UIMC1: variants seen among roughly 807,000 people sequenced by gnomAD.
UIMC1 encodes ubiquitin interaction motif containing 1.
A neutral mutation model predicts 84.9 loss-of-function variants in UIMC1; 42 were observed. That is an observed-to-expected ratio of 0.49 (90% confidence interval 0.39 to 0.64). UIMC1 has a LOEUF of 0.64. Among genes scored for constraint, UIMC1 ranks in the 30% least tolerant of loss-of-function variants. UIMC1 has a pLI of 0.00. For synonymous variants in UIMC1, 281 were observed against 293.0 expected (o/e 0.96, Z 0.42); for missense variants, 825 against 847.6 (o/e 0.97, Z 0.33).
intron 10 of UIMC1, among the ~76,000 whole-genome samples, chr5:176,915,793 C>CAAAAAAAAAA (rs58297107): frequency 5.2e-4 from 22 of 42,610 alleles, no homozygotes; most frequent in East Asian, 1.5e-3. Context: ...GGTCACAAAG[C>CAAAAAAAAAA]AAAAAAAAAA....
At chr5:177,020,195 C>G (rs1775758362) in intron 1 of UIMC1, among the ~76,000 whole-genome samples, 1 of 152,208 alleles carries the variant, frequency 6.6e-6, no homozygotes, top group South Asian at 2.1e-4. Flanking sequence ...GTCGTTTTTC[C>G]TGTTCCTCCA....
intron 1 of UIMC1, among the ~76,000 whole-genome samples, chr5:176,988,679 A>ATTTTT (rs377752493): frequency 7.4e-6 from 1 of 135,772 alleles, no homozygotes; most frequent in African/African-American, 2.7e-5. Flanking sequence ...TGTTAGGTGA[A>ATTTTT]TTTTTTTTTT....
intron 1 of UIMC1, among the ~76,000 whole-genome samples, chr5:176,986,359 C>CAAA (rs71583560): frequency 0.2 from 5,596 of 27,982 alleles, 1,583 homozygotes; most frequent in East Asian, 0.44. Context: ...GACTTCATCT[C>CAAA]AAAAAAAAAA....
chr5:176,915,204 C>A (rs1760808481), intron 10 of UIMC1, among the ~76,000 whole-genome samples: 1 of 150,984 alleles, frequency 6.6e-6, no homozygotes. Context: ...CACCATGCAA[C>A]TTTCTGAATT....
At chr5:176,921,312 C>A (rs1274161119) in intron 10 of UIMC1, among the ~76,000 whole-genome samples, 1 of 152,178 alleles carries the variant, frequency 6.6e-6, no homozygotes, top group Non-Finnish European at 1.5e-5. Context: ...GATTCCCCTC[C>A]TGCCATCATC....
chr5:176,906,148 T>A (rs1759338231), intron 13 of UIMC1, 101 bp from the exon 14 acceptor site: 7 of 1,115,550 alleles, frequency 6.3e-6, no homozygotes, highest in Non-Finnish European at 9.2e-6. Flanking sequence ...CTGCTTCTCA[T>A]CAGGCCTATC....
intron 1 of UIMC1, among the ~76,000 whole-genome samples, chr5:177,012,483 A>G (rs577227270): frequency 8.5e-5 from 13 of 152,268 alleles, no homozygotes; most frequent in African/African-American, 3.1e-4. Flanking sequence ...ACTTGAGGCC[A>G]GGGGTTCGTG....
upstream of UIMC1, among the ~76,000 whole-genome samples, chr5:177,007,361 AG>A (rs1203284053): frequency 4.0e-5 from 6 of 150,066 alleles, no homozygotes; most frequent in African/African-American, 1.5e-4. Context: ...AAAAAAAAAA[AG>A]GGAAAGAAAG....
Position 177,005,703 on chromosome 5 carries a change from C to T in UIMC1, c.-9+947G>A, listed in dbSNP as rs146166565. Reference sequence around the variant, plus strand: ...CACACTTTCATTCGACTACAAGGCACTGCCTCCCTTGACAGGAAAACAATA... The same window carrying T: ...CACACTTTCATTCGACTACAAGGCATTGCCTCCCTTGACAGGAAAACAATA... On this transcript the variant is annotated intron_variant, in intron 1 of 14. Coordinates refer to ENST00000511320, the MANE Select transcript of UIMC1 (RefSeq NM_001199298.2). Among the ~76,000 whole-genome samples, 125 of 152,030 alleles carry T rather than the reference C, an allele frequency of 8.2e-4. 3 individuals are homozygous for T. The East Asian group carries it at 0.023, about 29-fold the overall frequency.
intron 10 of UIMC1, among the ~76,000 whole-genome samples, chr5:176,931,827 A>G (rs1763121685): frequency 6.6e-6 from 1 of 152,154 alleles, no homozygotes; most frequent in Non-Finnish European, 1.5e-5. Flanking sequence ...TCTACTAAAA[A>G]TACAGGCGTG....
intron 1 of UIMC1, among the ~76,000 whole-genome samples, chr5:177,012,621 A>G (rs1250511805): frequency 6.6e-6 from 1 of 151,738 alleles, no homozygotes; most frequent in East Asian, 2.0e-4. Context: ...TGAACCCAGG[A>G]GGTGGAGGTT....
intron 2 of UIMC1, among the ~76,000 whole-genome samples, chr5:176,981,346 GTGGTAACCAGGA>G (rs1389831304): frequency 6.6e-6 from 1 of 151,962 alleles, no homozygotes; most frequent in Non-Finnish European, 1.5e-5. Context: ...GGATTTCACT[GTGGTAACCAGGA>G]TGGTCTCGAT....
intron 3 of UIMC1, 151 bp downstream of exon 3, chr5:176,975,245 C>A: frequency 1.4e-6 from 1 of 708,436 alleles, no homozygotes; most frequent in South Asian, 2.4e-5. Flanking sequence ...TGTTCCAATC[C>A]TTACAACAAT....
At chr5:176,907,368 G>A (rs1036429581) in intron 12 of UIMC1, 191 bp from the exon 13 acceptor site, 10 of 553,610 alleles carry the variant, frequency 1.8e-5, no homozygotes, top group Admixed American at 9.2e-5. Context: ...AGAATACATC[G>A]CTATGCCCAG....
At chr5:176,968,319 C>A (rs947885417) in intron 6 of UIMC1, among the ~76,000 whole-genome samples, 2 of 151,832 alleles carry the variant, frequency 1.3e-5, no homozygotes, top group South Asian at 4.2e-4. Context: ...TTGCAGTGAG[C>A]CGAAGATTGC....
intron 10 of UIMC1, among the ~76,000 whole-genome samples, chr5:176,914,659 G>A (rs1760737590): frequency 6.6e-6 from 1 of 152,178 alleles, no homozygotes; most frequent in African/African-American, 2.4e-5. Context: ...GAGGATGACA[G>A]GAATACTTGA....
chr5:176,943,322 G>C lies in UIMC1; in HGVS notation c.1597+13C>G. On this transcript the variant is annotated intron_variant, in intron 10 of 14. Transcript: ENST00000511320. ...AAAAAAGTAAGAGTTTGGCTGTCCT[G>C]CTGGGTCTTTACCTGTATCTTCCTC... is the stretch of plus-strand genomic sequence containing the variant. 6.2e-7 allele frequency: 1 copy of C among 1,612,110 alleles called. No individual in the cohort carries two copies. Among genetic ancestry groups the C allele is most frequent in the Non-Finnish European group, 8.5e-7 (1 of 1,179,178 alleles).
In UIMC1 at chr5:177,003,090, C is replaced by T. The variant is rs570205677; in HGVS notation, c.-9+3560G>A. On this transcript the variant is annotated intron_variant, in intron 1 of 14. Transcript: ENST00000511320. ...TATTAAATGCTATATATGCATTTAA[C>T]GCACAGGATAAAATTAAAGGTAAAA... Among the ~76,000 whole-genome samples, 16 of 152,006 alleles carry T rather than the reference C, an allele frequency of 1.1e-4. No homozygotes were observed. The South Asian group carries it at 2.5e-3, about 24-fold the overall frequency.
rs553118800 is a variant in UIMC1 at position 176,919,191 on chromosome 5, A to G, written c.1598-7802T>C. ...GTACCTGGGAGGCTGAGGTGGGAGG[A>G]TTGCTTGAGGTGGAGAGGCAGAGGC... On this transcript the variant is annotated intron_variant, in intron 10 of 14. Coordinates refer to ENST00000511320, the MANE Select transcript of UIMC1 (RefSeq NM_001199298.2). 33 of 401,716 alleles carry G rather than the reference A, an allele frequency of 8.2e-5. 1 individual carries two copies. Among genetic ancestry groups the G allele is most frequent in the African/African-American group, 7.2e-4 (33 of 46,094 alleles). The allele number at this position is 401,716 out of a possible 1,614,324, so 24.9% of individuals were successfully genotyped here.
Sources: allele counts gnomAD v4.1 joint callset (sites outside exome capture counted in the v4.1 genomes callset), GRCh38; gene constraint gnomAD v4.1.1; transcripts MANE v1.5; gene names NCBI Gene and HGNC (gene_info 2026-07-23, HGNC 2026-07-21).